The following MARCHF1 variants were observed in gnomAD, a reference collection of about 807,000 sequenced individuals.
The protein encoded by MARCHF1 is E3 ubiquitin-protein ligase MARCHF1.
In MARCHF1, 40 loss-of-function variants were observed where a neutral mutation model predicts 54.2. The ratio of observed to expected loss-of-function variants is 0.74; its 90% CI spans 0.57 to 0.96. The LOEUF is 0.96. Ranked by LOEUF, MARCHF1 falls within the 40% of genes least tolerant of loss-of-function variation. The pLI is 0.00. For synonymous variants in MARCHF1, 236 were observed against 236.3 expected (o/e 1.00, Z 0.01); for missense variants, 586 against 656.5 (o/e 0.89, Z 1.17).
intron 4 of MARCHF1, among the ~76,000 whole-genome samples, chr4:163,806,762 G>T (rs1481827846): frequency 1.3e-5 from 2 of 152,034 alleles, no homozygotes; most frequent in African/African-American, 4.8e-5. Flanking sequence ...AAGTTAAAAG[G>T]TTTCCATTCT....
At chr4:163,782,669 C>CAAAAAAAAAAA (rs779917586) in intron 4 of MARCHF1, among the ~76,000 whole-genome samples, 1 of 108,408 alleles carries the variant, frequency 9.2e-6, no homozygotes, top group Non-Finnish European at 1.8e-5. Context: ...ACTCCATCTC[C>CAAAAAAAAAAA]AAAAAAAAAA....
At chr4:163,633,458 T>TCA (rs1215453097) in intron 5 of MARCHF1, among the ~76,000 whole-genome samples, 1 of 152,056 alleles carries the variant, frequency 6.6e-6, no homozygotes, top group African/African-American at 2.4e-5. Context: ...TGCAGAAGCC[T>TCA]CAGGAGCCGA....
chr4:163,775,989 G>A (rs1358922323), intron 4 of MARCHF1, among the ~76,000 whole-genome samples: 1 of 152,048 alleles, frequency 6.6e-6, no homozygotes, highest in African/African-American at 2.4e-5. Flanking sequence ...TGGTGGCAAG[G>A]GTGCAGCTTT....
chr4:164,292,097 G>A (rs1368067610), intron 1 of MARCHF1, among the ~76,000 whole-genome samples: 1 of 151,786 alleles, frequency 6.6e-6, no homozygotes, highest in Non-Finnish European at 1.5e-5. Context: ...TATTTTATGT[G>A]CCACTAAAGG....
At chr4:164,137,840 T>C (rs922303386) in intron 1 of MARCHF1, among the ~76,000 whole-genome samples, 3 of 152,060 alleles carry the variant, frequency 2.0e-5, no homozygotes, top group African/African-American at 4.8e-5. Context: ...AAAATACACA[T>C]AGAAATGATA....
chr4:163,617,184 G>T (rs192947208), intron 5 of MARCHF1, among the ~76,000 whole-genome samples: 1 of 152,240 alleles, frequency 6.6e-6, no homozygotes, highest in Admixed American at 6.5e-5. Context: ...CTCATTTGTG[G>T]GAATTTAAAA....
At chr4:164,364,198 T>C (rs566068842) in intron 1 of MARCHF1, among the ~76,000 whole-genome samples, 1 of 152,168 alleles carries the variant, frequency 6.6e-6, no homozygotes, top group East Asian at 1.9e-4. Flanking sequence ...TTCTGGTATT[T>C]CTTGAAAACA....
At chr4:163,930,008 ATATATTATATATAC>A (rs1449725489) in intron 3 of MARCHF1, among the ~76,000 whole-genome samples, 1 of 134,564 alleles carries the variant, frequency 7.4e-6, no homozygotes, top group Non-Finnish European at 1.5e-5. Flanking sequence ...TTATATATAA[ATATATTATATATAC>A]TATATTATAT....
At chr4:163,885,579 G>A (rs1750511994) in intron 3 of MARCHF1, among the ~76,000 whole-genome samples, 1 of 152,040 alleles carries the variant, frequency 6.6e-6, no homozygotes, top group South Asian at 2.1e-4. Context: ...ATCATCAGCA[G>A]TGGGCCTTGA....
chr4:164,204,919 G>C (rs138620617), intron 1 of MARCHF1, among the ~76,000 whole-genome samples: 26 of 152,200 alleles, frequency 1.7e-4, no homozygotes, highest in African/African-American at 6.3e-4. Context: ...GCATTTTGAT[G>C]TCTCTGTACA....
intron 1 of MARCHF1, among the ~76,000 whole-genome samples, chr4:164,350,607 G>A (rs1337044052): frequency 6.6e-6 from 1 of 152,144 alleles, no homozygotes; most frequent in Non-Finnish European, 1.5e-5. Flanking sequence ...ATATCACTCT[G>A]TGTCCCATAA....
Position 163,528,542 on chromosome 4 carries a change from T to A in MARCHF1, c.*206A>T. 1.9e-6 allele frequency: 1 copy of A among 533,696 alleles called. No individual in the cohort carries two copies. The highest frequency in any genetic ancestry group is 3.3e-6 in the Non-Finnish European group (1 of 304,636). The allele number at this position is 533,696 out of a possible 1,614,324, so 33.1% of individuals were successfully genotyped here. ...CAAACTTCACATTTCCATATCATAC[T>A]TTACTTTACGCTATTACTTCATGGG... On this transcript the variant is annotated 3_prime_UTR_variant, in exon 10 of 10. Transcript: ENST00000514618.
Position 163,958,095 on chromosome 4 carries a change from C to CTCT in MARCHF1, c.-39+30405_-39+30406insAGA, listed in dbSNP as rs1409316097. On this transcript the variant is annotated intron_variant, in intron 3 of 9. Coordinates refer to ENST00000514618, the MANE Select transcript of MARCHF1 (RefSeq NM_001394959.1). ...CTCACTTCTGCTTCAGCCATTCTTG[C>CTCT]TAGAACATTTATAACATTCCTGTCT... Among the ~76,000 whole-genome samples, 22 of 152,108 alleles carry CTCT rather than the reference C, an allele frequency of 1.4e-4. No individual in the cohort carries two copies. In the Middle Eastern group the frequency reaches 0.01, roughly 71 times the overall value.
In MARCHF1 at chr4:164,137,682, G is replaced by T. The variant is rs527821549; in HGVS notation, c.-322-26020C>A. On this transcript the variant is annotated intron_variant, in intron 1 of 9. Coordinates refer to ENST00000514618, the MANE Select transcript of MARCHF1 (RefSeq NM_001394959.1). ...AAGAAACACATTAACCTCTTAATTTGGGGAATTACATTTAATAAAGTACAC... is the reference window on the plus strand; with the variant it reads ...AAGAAACACATTAACCTCTTAATTTTGGGAATTACATTTAATAAAGTACAC... Among the ~76,000 whole-genome samples the T allele has an allele frequency of 3.3e-5, 5 of 152,038 alleles. No homozygotes were observed. The South Asian group carries it at 1.0e-3, about 32-fold the overall frequency.
At chr4:163,930,778 G>T (rs1038814873) in intron 3 of MARCHF1, among the ~76,000 whole-genome samples, 1 of 152,084 alleles carries the variant, frequency 6.6e-6, no homozygotes, top group Non-Finnish European at 1.5e-5. Flanking sequence ...TAATTTTGAT[G>T]ATTTTTTAAG....
rs1732378311 is a variant in MARCHF1 at position 164,230,204 on chromosome 4, T to C, written c.-322-118542A>G. The stretch of plus-strand genomic sequence containing the variant: ...TGAGGTCAGGAGTTTGAGACCAGCC[T>C]GACCAATATGATGAAACCCCATCTC... On this transcript the variant is annotated intron_variant, in intron 1 of 9. Transcript: ENST00000514618. Among the ~76,000 whole-genome samples, 4 of 152,106 alleles carry C rather than the reference T, an allele frequency of 2.6e-5. 1 individual carries two copies. The highest frequency in any genetic ancestry group is 4.1e-4 in the South Asian group (2 of 4,830).
At chr4:163,816,538 ATAAAT>A (rs1748538446) in intron 4 of MARCHF1, among the ~76,000 whole-genome samples, 1 of 151,994 alleles carries the variant, frequency 6.6e-6, no homozygotes, top group African/African-American at 2.4e-5. Context: ...AATTAATATT[ATAAAT>A]TAAATTTTTA....
At chr4:164,062,253 AG>A (rs1754634665) in intron 2 of MARCHF1, among the ~76,000 whole-genome samples, 1 of 152,144 alleles carries the variant, frequency 6.6e-6, no homozygotes, top group Admixed American at 6.6e-5. Flanking sequence ...TTCTAACTCT[AG>A]TACTCTCACT....
chr4:163,945,850 C>G (rs1437799620), intron 3 of MARCHF1, among the ~76,000 whole-genome samples: 2 of 152,056 alleles, frequency 1.3e-5, no homozygotes, highest in Non-Finnish European at 2.9e-5. Flanking sequence ...CTTGGAGTGT[C>G]TAAGGATGGT....
Sources: gnomAD v4.1 joint callset for allele counts (sites outside exome capture counted in the v4.1 genomes callset) on GRCh38, gnomAD v4.1.1 for gene constraint, MANE v1.5 for transcripts, NCBI Gene and HGNC (gene_info 2026-07-23, HGNC 2026-07-21) for gene names.